SLC8A1: variants seen among roughly 807,000 people sequenced by gnomAD.
The protein encoded by SLC8A1 is sodium/calcium exchanger 1.
Under a neutral mutation model 68.3 loss-of-function variants are expected in SLC8A1, and 18 were observed. The observed-to-expected ratio is 0.26, with a 90% CI of 0.18 to 0.39. The LOEUF is 0.39. Ranked by LOEUF, SLC8A1 falls within the 10% of genes least tolerant of loss-of-function variation. The pLI is 1.00. For missense variants in SLC8A1, 985 were observed against 1,156.7 expected, an observed-to-expected ratio of 0.85 and a Z score of 2.15; for synonymous variants, 475 against 415.5, an observed-to-expected ratio of 1.14 and a Z score of -1.74.
At chr2:40,308,208 G>A (rs774528551) in intron 2 of SLC8A1, among the ~76,000 whole-genome samples, 2 of 152,060 alleles carry the variant, frequency 1.3e-5, no homozygotes, top group Non-Finnish European at 2.9e-5. Context: ...CTCATGATTC[G>A]TGGCAGTGAC....
chr2:40,242,202 T>G (rs1032502184), intron 2 of SLC8A1, among the ~76,000 whole-genome samples: 7 of 152,078 alleles, frequency 4.6e-5, no homozygotes, highest in Admixed American at 4.6e-4. Flanking sequence ...GACAATACTT[T>G]GGAGAAATGT....
At chr2:40,413,922 A>G (rs1378639113) in intron 2 of SLC8A1, among the ~76,000 whole-genome samples, 2 of 152,208 alleles carry the variant, frequency 1.3e-5, no homozygotes, top group Admixed American at 1.3e-4. Flanking sequence ...TGCATGTAGT[A>G]AAACAGATTG....
At chr2:40,276,954 G>C (rs2066776854) in intron 2 of SLC8A1, among the ~76,000 whole-genome samples, 1 of 152,146 alleles carries the variant, frequency 6.6e-6, no homozygotes, top group Non-Finnish European at 1.5e-5. Context: ...AATGACCAAG[G>C]TTAGAAAGTC....
intron 2 of SLC8A1, among the ~76,000 whole-genome samples, chr2:40,402,670 C>G (rs762704601): frequency 5.3e-5 from 8 of 152,128 alleles, no homozygotes; most frequent in African/African-American, 9.7e-5. Flanking sequence ...CACATTTTCC[C>G]TAATTATGGC....
rs540493580 is a variant in SLC8A1, at chr2:40,202,243, C to T, written c.1809-24388G>A. On this transcript the variant is annotated intron_variant, in intron 2 of 7. Transcript: ENST00000406785. ...ACAATTTTTTATGCTATCCTCTCCA[C>T]CTCAAATGTCCTACTTCCACATCCT... 4.6e-5 allele frequency among the ~76,000 whole-genome samples: 7 copies of T among 152,040 alleles called. No homozygotes were observed. In the South Asian group the frequency reaches 6.2e-4, roughly 14 times the overall value.
intron 2 of SLC8A1, among the ~76,000 whole-genome samples, chr2:40,179,543 A>G (rs2049062555): frequency 6.6e-6 from 1 of 152,226 alleles, no homozygotes; most frequent in Non-Finnish European, 1.5e-5. Flanking sequence ...AACTTATTAG[A>G]AGCCTCTTAA....
chr2:40,185,195 C>T (rs2050481604), intron 2 of SLC8A1, among the ~76,000 whole-genome samples: 1 of 152,080 alleles, frequency 6.6e-6, no homozygotes, highest in African/African-American at 2.4e-5. Context: ...TGGAGAAGCC[C>T]TCAAAAGTTT....
At chr2:40,340,483 C>A (rs1395343152) in intron 2 of SLC8A1, among the ~76,000 whole-genome samples, 2 of 152,136 alleles carry the variant, frequency 1.3e-5, no homozygotes, top group South Asian at 4.1e-4. Flanking sequence ...ATCACTTGAA[C>A]CTGGGAGGTG....
chr2:40,225,816 T>G (rs1465819564), intron 2 of SLC8A1, among the ~76,000 whole-genome samples: 1 of 152,140 alleles, frequency 6.6e-6, no homozygotes, highest in East Asian at 1.9e-4. Flanking sequence ...TGGCCTCACT[T>G]GGATAAACAG....
chr2:40,461,557 T>C (rs566256401), intron 1 of SLC8A1, among the ~76,000 whole-genome samples: 1 of 152,312 alleles, frequency 6.6e-6, no homozygotes, highest in East Asian at 1.9e-4. Flanking sequence ...CCACCAGACA[T>C]TTAAATTTAC....
chr2:40,430,427 C>G, intron 1 of SLC8A1, 123 bp from the exon 2 acceptor site: 7 of 998,780 alleles, frequency 7.0e-6, no homozygotes, highest in Non-Finnish European at 9.9e-6. Flanking sequence ...TTGACCATCA[C>G]AAAACCGAAA....
chr2:40,443,337 G>A (rs1265399113), intron 1 of SLC8A1, among the ~76,000 whole-genome samples: 2 of 152,044 alleles, frequency 1.3e-5, no homozygotes, highest in African/African-American at 4.8e-5. Flanking sequence ...ATAAAACTAA[G>A]TAACAGAGGA....
At chr2:40,382,220 G>A (rs190503243) in intron 2 of SLC8A1, among the ~76,000 whole-genome samples, 84 of 152,206 alleles carry the variant, frequency 5.5e-4, no homozygotes, top group Non-Finnish European at 9.3e-4. Flanking sequence ...CTGCCACAGA[G>A]TCTAGCATAT....
At chr2:40,494,099 A>G (rs1459333825) in intron 1 of SLC8A1, among the ~76,000 whole-genome samples, 1 of 151,806 alleles carries the variant, frequency 6.6e-6, no homozygotes, top group East Asian at 1.9e-4. Context: ...TATTTGAATC[A>G]TTTGACCTGC....
chr2:40,315,614 C>T (rs933482138), intron 2 of SLC8A1, among the ~76,000 whole-genome samples: 1 of 151,846 alleles, frequency 6.6e-6, no homozygotes, highest in African/African-American at 2.4e-5. Context: ...ATGATCCCTG[C>T]TTGAAGAATT....
intron 2 of SLC8A1, among the ~76,000 whole-genome samples, chr2:40,422,871 T>G (rs543580528): frequency 9.8e-5 from 15 of 152,316 alleles, no homozygotes; most frequent in African/African-American, 3.6e-4. Flanking sequence ...CCTAGATCCA[T>G]AATTTATTAG....
intron 2 of SLC8A1, among the ~76,000 whole-genome samples, chr2:40,403,499 A>G (rs1005407253): frequency 6.6e-5 from 10 of 152,198 alleles, no homozygotes; most frequent in African/African-American, 2.2e-4. Context: ...CCACAATGGG[A>G]GAGCTTAGGT....
intron 2 of SLC8A1, among the ~76,000 whole-genome samples, chr2:40,225,883 G>A (rs1351242888): frequency 1.3e-5 from 2 of 152,160 alleles, no homozygotes; most frequent in Non-Finnish European, 2.9e-5. Context: ...TTTATCACTT[G>A]AATGGCAAGC....
intron 2 of SLC8A1, among the ~76,000 whole-genome samples, chr2:40,269,211 T>G (rs1467265986): frequency 6.6e-6 from 1 of 152,240 alleles, no homozygotes; most frequent in East Asian, 1.9e-4. Context: ...ATAGGACTGT[T>G]AGCTTATTTT....
Sources: gnomAD v4.1 joint callset for allele counts (sites outside exome capture counted in the v4.1 genomes callset) on GRCh38, gnomAD v4.1.1 for gene constraint, MANE v1.5 for transcripts, NCBI Gene and HGNC (gene_info 2026-07-23, HGNC 2026-07-21) for gene names.